Variants in EML6 observed in about 807,000 individuals in gnomAD.
EML6 encodes EMAP like 6, also known as echinoderm microtubule-associated protein-like 6.
In EML6, 154 loss-of-function variants were observed where a neutral mutation model predicts 240.1. The ratio of observed to expected loss-of-function variants is 0.64; its 90% CI spans 0.56 to 0.73. The LOEUF is 0.73. Ranked by LOEUF, EML6 falls within the 30% of genes least tolerant of loss-of-function variation. The pLI, the probability that EML6 is intolerant of heterozygous loss-of-function variation, is 0.00. For missense variants in EML6, 2,964 were observed against 2,474.6 expected (o/e 1.20, Z -4.20); for synonymous variants, 1,148 against 899.0 (o/e 1.28, Z -4.95).
At chr2:54,879,403 A>G (rs1368549058) in intron 16 of EML6, 144 bp from the exon 17 acceptor site, 4 of 634,060 alleles carry the variant, frequency 6.3e-6, no homozygotes, top group Non-Finnish European at 8.5e-6. Context: ...TATACATTGT[A>G]TAATCAAGTC....
intron 26 of EML6, among the ~76,000 whole-genome samples, chr2:54,917,271 G>A (rs1673967012): frequency 6.6e-6 from 1 of 151,324 alleles, no homozygotes; most frequent in African/African-American, 2.4e-5. Flanking sequence ...ATATCACACA[G>A]CACCCCAACT....
intron 16 of EML6, 30 bp downstream of exon 16, chr2:54,871,635 C>A: frequency 6.9e-7 from 1 of 1,450,252 alleles, no homozygotes; most frequent in Non-Finnish European, 9.5e-7. Flanking sequence ...ACACATGGTT[C>A]TACGTTGAGA....
chr2:54,888,897 C>T (rs975841656), intron 17 of EML6, among the ~76,000 whole-genome samples: 3 of 152,092 alleles, frequency 2.0e-5, no homozygotes, highest in Non-Finnish European at 2.9e-5. Context: ...AATTGCTGGT[C>T]GTATGGTAAG....
intron 15 of EML6, among the ~76,000 whole-genome samples, chr2:54,869,868 C>T (rs1671162653): frequency 6.6e-6 from 1 of 151,954 alleles, no homozygotes; most frequent in African/African-American, 2.4e-5. Context: ...TAGATTGAGT[C>T]TGTAATTGAA....
chr2:54,832,611 A>G (rs1028254748), intron 7 of EML6, among the ~76,000 whole-genome samples: 1 of 152,238 alleles, frequency 6.6e-6, no homozygotes, highest in Non-Finnish European at 1.5e-5. Context: ...CCCTTCAGCC[A>G]GGCAATACCA....
At chr2:54,883,018 A>G (rs1271905120) in intron 17 of EML6, 3 of 151,764 alleles carry the variant, frequency 2.0e-5, no homozygotes, top group African/African-American at 7.3e-5. Flanking sequence ...AGTCTCCCGC[A>G]TACCATATGG....
At chr2:54,808,360 C>G (rs1010916765) in intron 2 of EML6, among the ~76,000 whole-genome samples, 5 of 152,174 alleles carry the variant, frequency 3.3e-5, no homozygotes, top group Non-Finnish European at 7.3e-5. Flanking sequence ...GGGTCACTCC[C>G]CCTTCAATCC....
At chr2:54,950,940 A>C (rs962769250) in intron 30 of EML6, among the ~76,000 whole-genome samples, 161 bp downstream of exon 30, 2 of 152,156 alleles carry the variant, frequency 1.3e-5, no homozygotes, top group African/African-American at 4.8e-5. Flanking sequence ...GCTCAGGTTC[A>C]GTTACCAGAG....
Position 54,966,796 on chromosome 2 carries a change from A to T in EML6, c.5494-204A>T, listed in dbSNP as rs1455627097. The T allele has an allele frequency of 1.2e-5, 5 of 405,444 alleles. No individual in the cohort carries two copies. The Admixed American group carries it at 1.6e-4, about 13-fold the overall frequency. The allele number at this position is 405,444 out of a possible 1,614,324, so 25.1% of individuals were successfully genotyped here. ...TTAGGACTCTGGAAAATAGCGAGAA[A>T]ATGGATGAGAAGAAAGATGGGAAAA... On this transcript the variant is annotated intron_variant, in intron 38 of 41. Coordinates refer to ENST00000356458, the MANE Select transcript of EML6 (RefSeq NM_001039753.4).
At chr2:54,953,670 T>G (rs1676092600) in intron 31 of EML6, among the ~76,000 whole-genome samples, 1 of 152,074 alleles carries the variant, frequency 6.6e-6, no homozygotes, top group South Asian at 2.1e-4. Context: ...GCGGATCACC[T>G]GAGGTCAGGA....
At chr2:54,740,317 T>G (rs1683574271) in intron 2 of EML6, among the ~76,000 whole-genome samples, 1 of 152,096 alleles carries the variant, frequency 6.6e-6, no homozygotes, top group Non-Finnish European at 1.5e-5. Flanking sequence ...AAGATGGGAA[T>G]GGTCACAGGG....
intron 28 of EML6, among the ~76,000 whole-genome samples, chr2:54,929,647 A>G (rs890194364): frequency 6.6e-6 from 1 of 152,070 alleles, no homozygotes; most frequent in African/African-American, 2.4e-5. Context: ...AGTCTGACCT[A>G]TCACTTCTTA....
Position 54,967,066 on chromosome 2 carries a change from G to C in EML6, c.5560G>C (p.Val1854Leu). 5.2e-6 allele frequency: 8 copies of C among 1,551,440 alleles called. No individual in the cohort carries two copies. Among genetic ancestry groups the C allele is most frequent in the Non-Finnish European group, 6.1e-6 (7 of 1,146,810 alleles). Reference sequence around the variant, plus strand: ...CCTGGGGAAGCAGGTAACTGAAGCCGTGGTCATTGAGAAGATCACCTGGGC... The same window carrying C: ...CCTGGGGAAGCAGGTAACTGAAGCCCTGGTCATTGAGAAGATCACCTGGGC... ...VPLGKQVTEA[V>L]VIEKITWASW... The change falls in exon 39 of 42, where the codon GTG becomes CTG. Residue 1854 changes from valine (V) to leucine (L), a missense_variant. By Grantham distance (32) the Val-to-Leu change is conservative. Transcript: ENST00000356458.
chr2:54,935,920 C>T (rs1675112080), intron 28 of EML6, among the ~76,000 whole-genome samples: 1 of 152,134 alleles, frequency 6.6e-6, no homozygotes, highest in Non-Finnish European at 1.5e-5. Flanking sequence ...ATCCCAGCTA[C>T]TCAGGAGGCT....
rs577057747 is a variant in EML6 at position 54,959,368 on chromosome 2, C to CT, written c.4853+113dup. 124 of 1,120,816 alleles carry CT rather than the reference C, an allele frequency of 1.1e-4. No individual in the cohort carries two copies. In the African/African-American group the frequency reaches 1.9e-3, roughly 17 times the overall value. The allele number at this position is 1,120,816 out of a possible 1,614,324, so 69.4% of individuals were successfully genotyped here. A position where few individuals can be genotyped will look rare whatever the true frequency, so the allele number is the denominator to read the frequency against. On this transcript the variant is annotated intron_variant, in intron 34 of 41. Coordinates refer to ENST00000356458, the MANE Select transcript of EML6 (RefSeq NM_001039753.4). The stretch of plus-strand genomic sequence containing the variant: ...AAAATGCAGACTGTCATCCTCCTAT[C>CT]TTTTTTGCATTAGGAAGATCAGTCT...
At chr2:54,841,050 G>A (rs1489743705) in intron 7 of EML6, among the ~76,000 whole-genome samples, 1 of 152,054 alleles carries the variant, frequency 6.6e-6, no homozygotes, top group African/African-American at 2.4e-5. Context: ...GTTGACTCCT[G>A]AGTGGTAATG....
At chr2:54,796,799 G>C (rs568398688) in intron 2 of EML6, among the ~76,000 whole-genome samples, 1 of 152,062 alleles carries the variant, frequency 6.6e-6, no homozygotes, top group Non-Finnish European at 1.5e-5. Flanking sequence ...CCGTTTTAGA[G>C]CACCGCCAGG....
chr2:54,826,746 A>G (rs1173629140), intron 5 of EML6, among the ~76,000 whole-genome samples: 1 of 152,252 alleles, frequency 6.6e-6, no homozygotes, highest in Admixed American at 6.5e-5. Context: ...ACTAAAACTG[A>G]AAAGCCGAGT....
At chr2:54,934,355 G>A (rs1447744729) in intron 28 of EML6, among the ~76,000 whole-genome samples, 1 of 152,006 alleles carries the variant, frequency 6.6e-6, no homozygotes, top group Non-Finnish European at 1.5e-5. Flanking sequence ...CTCCCTTGAC[G>A]AGAGACTGGC....
Sources: allele counts gnomAD v4.1 joint callset (sites outside exome capture counted in the v4.1 genomes callset), GRCh38; gene constraint gnomAD v4.1.1; transcripts MANE v1.5; gene names NCBI Gene and HGNC (gene_info 2026-07-23, HGNC 2026-07-21).